Variants in PLCE1 observed in about 807,000 individuals in gnomAD.
PLCE1 encodes the protein 1-phosphatidylinositol 4,5-bisphosphate phosphodiesterase epsilon-1.
A neutral mutation model predicts 242.8 loss-of-function variants in PLCE1; 119 were observed. The observed-to-expected ratio is 0.49, with a 90% CI of 0.42 to 0.57. The LOEUF (loss-of-function observed/expected upper bound fraction) is 0.57. PLCE1 is among the 20% of genes least tolerant of loss of function. PLCE1 has a pLI of 0.00. For missense variants in PLCE1, 2,441 were observed against 2,788.8 expected, an observed-to-expected ratio of 0.88 and a Z score of 2.81; for synonymous variants, 945 against 1,017.4, an observed-to-expected ratio of 0.93 and a Z score of 1.35.
chr10:94,152,222 G>T (rs936529103), intron 3 of PLCE1, among the ~76,000 whole-genome samples: 1 of 152,154 alleles, frequency 6.6e-6, no homozygotes, highest in Admixed American at 6.5e-5. Flanking sequence ...TGTCAATAAA[G>T]ATTTTCTACT....
At chr10:94,103,213 A>C (rs78849861) in intron 2 of PLCE1, among the ~76,000 whole-genome samples, 47 of 152,332 alleles carry the variant, frequency 3.1e-4, no homozygotes, top group African/African-American at 1.1e-3. Flanking sequence ...CTGATAAGAC[A>C]GATACTGTTA....
intron 18 of PLCE1, 49 bp downstream of exon 18, chr10:94,270,651 A>G: frequency 9.1e-7 from 1 of 1,101,750 alleles, no homozygotes; most frequent in South Asian, 1.2e-5. Context: ...CTTGTTTTGC[A>G]ATTGTCATTG....
At chr10:94,296,291 G>A (rs867414675) in intron 23 of PLCE1, among the ~76,000 whole-genome samples, 10 of 151,412 alleles carry the variant, frequency 6.6e-5, no homozygotes, top group Admixed American at 1.3e-4. Flanking sequence ...GCGTGAACCC[G>A]GGAGGCGGAG....
At chr10:94,262,806 A>T in intron 14 of PLCE1, 74 bp downstream of exon 14, 1 of 991,704 alleles carries the variant, frequency 1.0e-6, no homozygotes, top group Non-Finnish European at 1.6e-6. Flanking sequence ...CTAAATGTTT[A>T]TTCTTTCTAT....
chr10:94,221,762 A>G (rs1246229819), intron 4 of PLCE1, among the ~76,000 whole-genome samples: 1 of 152,064 alleles, frequency 6.6e-6, no homozygotes, highest in African/African-American at 2.4e-5. Context: ...GAAGAAGAAG[A>G]AGGAAAGTAG....
intron 2 of PLCE1, among the ~76,000 whole-genome samples, chr10:94,130,601 C>A (rs1247437482): frequency 6.6e-6 from 1 of 152,194 alleles, no homozygotes. Context: ...ATGTACCTGA[C>A]CCCAAACCTG....
chr10:94,164,016 G>A (rs1268292895), intron 3 of PLCE1, among the ~76,000 whole-genome samples: 4 of 152,164 alleles, frequency 2.6e-5, no homozygotes, highest in African/African-American at 7.2e-5. Context: ...TCTGCCGAGA[G>A]ATCAGCTGTT....
chr10:94,100,612 A>G (rs910556171), intron 2 of PLCE1: 2 of 152,218 alleles, frequency 1.3e-5, no homozygotes, highest in Admixed American at 6.5e-5. Context: ...TTCTGGGGAA[A>G]GAGAAAGCAG....
chr10:94,173,586 T>C (rs2048046156), intron 4 of PLCE1, among the ~76,000 whole-genome samples: 1 of 152,220 alleles, frequency 6.6e-6, no homozygotes, highest in African/African-American at 2.4e-5. Flanking sequence ...CCAAAACTTT[T>C]AAAATCTAAT....
At chr10:94,008,474 A>C (rs1352457429) in intron 1 of PLCE1, among the ~76,000 whole-genome samples, 1 of 151,966 alleles carries the variant, frequency 6.6e-6, no homozygotes, top group Non-Finnish European at 1.5e-5. Context: ...ACACCCGGCT[A>C]ATTTTTGCAT....
intron 4 of PLCE1, among the ~76,000 whole-genome samples, chr10:94,203,066 C>G (rs1031124676): frequency 6.6e-6 from 1 of 152,170 alleles, no homozygotes; most frequent in Non-Finnish European, 1.5e-5. Flanking sequence ...ATATGTGAAG[C>G]CTTTTTAAAT....
At chr10:94,274,845 T>C (rs2051885370) in intron 19 of PLCE1, among the ~76,000 whole-genome samples, 1 of 152,132 alleles carries the variant, frequency 6.6e-6, no homozygotes, top group Non-Finnish European at 1.5e-5. Flanking sequence ...ATGGCACCTA[T>C]GCTGATGGGC....
chr10:94,293,467 T>C, intron 22 of PLCE1, 41 bp from the exon 23 acceptor site: 1 of 1,606,574 alleles, frequency 6.2e-7, no homozygotes, highest in Non-Finnish European at 8.5e-7. Flanking sequence ...GTTGCCTTGC[T>C]TGTAGTTTTT....
At chr10:94,175,196 G>C (rs1223257525) in intron 4 of PLCE1, among the ~76,000 whole-genome samples, 1 of 152,124 alleles carries the variant, frequency 6.6e-6, no homozygotes, top group South Asian at 2.1e-4. Flanking sequence ...TCAGGTTCAA[G>C]TCTGTAGTAA....
chr10:94,090,126 G>A (rs952597539), intron 2 of PLCE1, among the ~76,000 whole-genome samples: 1 of 151,710 alleles, frequency 6.6e-6, no homozygotes, highest in African/African-American at 2.4e-5. Flanking sequence ...GAAAGGAGTA[G>A]TTTTCTGCTC....
At chr10:94,217,333 T>G (rs1370289633) in intron 4 of PLCE1, among the ~76,000 whole-genome samples, 1 of 152,130 alleles carries the variant, frequency 6.6e-6, no homozygotes, top group Non-Finnish European at 1.5e-5. Context: ...AATTGATTTA[T>G]AAATGGTCCC....
intron 2 of PLCE1, among the ~76,000 whole-genome samples, chr10:94,092,084 G>A (rs911092333): frequency 4.6e-5 from 7 of 152,100 alleles, no homozygotes; most frequent in South Asian, 2.1e-4. Flanking sequence ...TGCAAGGAAC[G>A]GAAAACCAAG....
Position 94,306,790 on chromosome 10 carries a change from A to T in PLCE1, c.5884+102A>T, listed in dbSNP as rs1483463763. The stretch of plus-strand genomic sequence containing the variant: ...TCTTTTCTGTTTGACATTTTCCTAT[A>T]AAGAAGTTGAATTAAGAAGCAAAAG... On this transcript the variant is annotated intron_variant, in intron 26 of 32. Coordinates refer to ENST00000371380, the MANE Select transcript of PLCE1 (RefSeq NM_016341.4). The surrounding 1 kb of genome is among the most constrained non-coding windows in gnomAD (Gnocchi z 5.7). The T allele has an allele frequency of 8.4e-6, 8 of 956,064 alleles. No individual in the cohort carries two copies. Among genetic ancestry groups the T allele is most frequent in the African/African-American group, 1.6e-5 (1 of 61,442 alleles). 59.2% of individuals were successfully genotyped at this position (956,064 alleles called of 1,614,324 possible).
At chr10:94,138,020 A>G (rs1727684021) in intron 3 of PLCE1, 4 of 376,112 alleles carry the variant, frequency 1.1e-5, no homozygotes, top group Non-Finnish European at 2.1e-5. Flanking sequence ...GAGATTCAAC[A>G]TTGGTGAGGA....
Sources: allele counts gnomAD v4.1 joint callset (sites outside exome capture counted in the v4.1 genomes callset), GRCh38; gene constraint gnomAD v4.1.1; non-coding constraint Gnocchi (gnomAD v3.1); transcripts MANE v1.5; gene names NCBI Gene and HGNC (gene_info 2026-07-23, HGNC 2026-07-21).